The following ST6GALNAC3 variants were observed in gnomAD, a reference collection of about 807,000 sequenced individuals.
ST6GALNAC3 encodes ST6 N-acetylgalactosaminide alpha-2,6-sialyltransferase 3.
ST6GALNAC3 carries 25 observed loss-of-function variants against 32.7 expected under a neutral mutation model. The observed-to-expected ratio is 0.76, with a 90% CI of 0.56 to 1.07. The LOEUF (loss-of-function observed/expected upper bound fraction) is 1.07. Among genes scored for constraint, ST6GALNAC3 ranks in the 50% least tolerant of loss-of-function variants. The pLI is 0.00. For missense variants in ST6GALNAC3, 355 were observed against 382.4 expected (o/e 0.93, Z 0.60); for synonymous variants, 129 against 133.1 (o/e 0.97, Z 0.21).
intron 1 of ST6GALNAC3, among the ~76,000 whole-genome samples, chr1:76,241,448 A>G: frequency 6.6e-6 from 1 of 152,134 alleles, no homozygotes; most frequent in East Asian, 1.9e-4. Flanking sequence ...TTAAACAACC[A>G]GCTCTAGCAG....
intron 3 of ST6GALNAC3, among the ~76,000 whole-genome samples, chr1:76,482,167 CAT>C (rs35298544): frequency 8.3e-4 from 126 of 151,718 alleles, no homozygotes; most frequent in Non-Finnish European, 1.3e-3. Context: ...CACACACACA[CAT>C]GCACTTCATC....
At chr1:76,388,606 A>T (rs6593534) in intron 2 of ST6GALNAC3, among the ~76,000 whole-genome samples, 2 of 152,024 alleles carry the variant, frequency 1.3e-5, no homozygotes, top group Non-Finnish European at 2.9e-5. Context: ...ATTTTTTTCC[A>T]GACTCCCTTT....
At chr1:76,188,297 G>A (rs775914516) in intron 1 of ST6GALNAC3, among the ~76,000 whole-genome samples, 27 of 152,136 alleles carry the variant, frequency 1.8e-4, no homozygotes, top group Non-Finnish European at 3.7e-4. Context: ...GGAAGGCGGA[G>A]GTTGCAGTGA....
At chr1:76,367,239 A>G (rs1650446128) in intron 2 of ST6GALNAC3, among the ~76,000 whole-genome samples, 1 of 152,192 alleles carries the variant, frequency 6.6e-6, no homozygotes, top group African/African-American at 2.4e-5. Flanking sequence ...TTTCCTTTTC[A>G]TATATACATT....
At chr1:76,100,137 T>C (rs1647194172) in intron 1 of ST6GALNAC3, among the ~76,000 whole-genome samples, 1 of 152,172 alleles carries the variant, frequency 6.6e-6, no homozygotes, top group Non-Finnish European at 1.5e-5. Flanking sequence ...TTATTAATTT[T>C]ATCTGTAGAT....
intron 1 of ST6GALNAC3, among the ~76,000 whole-genome samples, chr1:76,141,956 T>C (rs1460001618): frequency 1.3e-5 from 2 of 152,184 alleles, no homozygotes; most frequent in Admixed American, 6.5e-5. Context: ...CCTGTGCTCA[T>C]TGGCACCTGA....
At chr1:76,462,577 A>C (rs993031354) in intron 3 of ST6GALNAC3, among the ~76,000 whole-genome samples, 3 of 152,094 alleles carry the variant, frequency 2.0e-5, no homozygotes, top group African/African-American at 7.2e-5. Flanking sequence ...CTCAGCATGC[A>C]TGGCACATAG....
chr1:76,522,166 C>G (rs1662582822), intron 3 of ST6GALNAC3, among the ~76,000 whole-genome samples: 1 of 149,258 alleles, frequency 6.7e-6, no homozygotes, highest in Admixed American at 6.7e-5. Flanking sequence ...AATCTTATTT[C>G]TGCTCCTTCA....
intron 1 of ST6GALNAC3, among the ~76,000 whole-genome samples, chr1:76,226,616 C>G (rs879801534): frequency 3.9e-4 from 60 of 152,178 alleles, no homozygotes; most frequent in South Asian, 3.5e-3. Flanking sequence ...CTGAGGAGGC[C>G]TCAGGAAACT....
intron 3 of ST6GALNAC3, among the ~76,000 whole-genome samples, chr1:76,505,316 G>T (rs1047297315): frequency 6.6e-6 from 1 of 152,032 alleles, no homozygotes; most frequent in African/African-American, 2.4e-5. Flanking sequence ...TAGAGATGGG[G>T]TTTCACCATG....
At chr1:76,113,835 T>G (rs1021760944) in intron 1 of ST6GALNAC3, among the ~76,000 whole-genome samples, 2 of 151,914 alleles carry the variant, frequency 1.3e-5, no homozygotes, top group East Asian at 3.9e-4. Flanking sequence ...GAAGTATCTT[T>G]TTTTTTTTGA....
chr1:76,484,921 TTTAG>T (rs1659999484), intron 3 of ST6GALNAC3, among the ~76,000 whole-genome samples: 2 of 152,220 alleles, frequency 1.3e-5, no homozygotes, highest in Admixed American at 1.3e-4. Context: ...ATTGAGAGTT[TTTAG>T]CATGAAAGGC....
At chr1:76,267,838 T>C (rs1658619615) in intron 1 of ST6GALNAC3, among the ~76,000 whole-genome samples, 1 of 152,208 alleles carries the variant, frequency 6.6e-6, no homozygotes, top group Non-Finnish European at 1.5e-5. Context: ...GCAGACTCTC[T>C]AATGACTGTG....
chr1:76,485,886 C>G (rs1393067144), intron 3 of ST6GALNAC3, among the ~76,000 whole-genome samples: 1 of 152,206 alleles, frequency 6.6e-6, no homozygotes, highest in Non-Finnish European at 1.5e-5. Context: ...CCTCTACACA[C>G]TGCTTTGAAC....
intron 1 of ST6GALNAC3, among the ~76,000 whole-genome samples, chr1:76,141,373 A>C (rs577849780): frequency 6.6e-6 from 1 of 152,200 alleles, no homozygotes; most frequent in Admixed American, 6.5e-5. Flanking sequence ...CAGCACTGGC[A>C]TGCTAGACTT....
intron 1 of ST6GALNAC3, among the ~76,000 whole-genome samples, chr1:76,187,830 A>G (rs900331041): frequency 6.6e-6 from 1 of 152,172 alleles, no homozygotes; most frequent in Admixed American, 6.5e-5. Context: ...GGCAATGTCC[A>G]TGTAGCTAAC....
intron 3 of ST6GALNAC3, among the ~76,000 whole-genome samples, chr1:76,580,851 G>A (rs555156422): frequency 8.7e-4 from 133 of 152,026 alleles, no homozygotes; most frequent in South Asian, 2.1e-3. Context: ...TTGGGAGAGG[G>A]GCTTCAATAG....
At chr1:76,238,419 G>T (rs1406108347) in intron 1 of ST6GALNAC3, among the ~76,000 whole-genome samples, 1 of 152,212 alleles carries the variant, frequency 6.6e-6, no homozygotes, top group African/African-American at 2.4e-5. Context: ...TACCAGGCAG[G>T]CCATTACGGG....
At chr1:76,184,519 G>GCGCACACACACA (rs1335590722) in intron 1 of ST6GALNAC3, among the ~76,000 whole-genome samples, 1 of 134,104 alleles carries the variant, frequency 7.5e-6, no homozygotes, top group Non-Finnish European at 1.6e-5. Flanking sequence ...CTCCTGGGCA[G>GCGCACACACACA]CACACACACA....
Sources: allele counts gnomAD v4.1 joint callset (sites outside exome capture counted in the v4.1 genomes callset), GRCh38; gene constraint gnomAD v4.1.1; transcripts MANE v1.5; gene names NCBI Gene and HGNC (gene_info 2026-07-23, HGNC 2026-07-21).